Variants in PTPRD observed in about 807,000 individuals in gnomAD.
PTPRD encodes receptor-type tyrosine-protein phosphatase delta.
PTPRD carries 34 observed loss-of-function variants against 214.5 expected under a neutral mutation model. The ratio of observed to expected loss-of-function variants is 0.16; its 90% CI spans 0.12 to 0.21. The LOEUF (loss-of-function observed/expected upper bound fraction) is 0.21. Among genes scored for constraint, PTPRD ranks in the 10% least tolerant of loss-of-function variants. PTPRD has a pLI of 1.00. For missense variants in PTPRD, 2,545 were observed against 2,398.7 expected, an observed-to-expected ratio of 1.06 and a Z score of -1.27; for synonymous variants, 1,128 against 845.7, an observed-to-expected ratio of 1.33 and a Z score of -5.79.
intron 12 of PTPRD, among the ~76,000 whole-genome samples, chr9:8,722,193 T>C (rs1432394727): frequency 6.7e-6 from 1 of 148,656 alleles, no homozygotes; most frequent in African/African-American, 2.5e-5. Context: ...GAATGAAAAC[T>C]GAACCTCACA....
intron 2 of PTPRD, among the ~76,000 whole-genome samples, chr9:10,360,942 A>G (rs1374297973): frequency 1.3e-5 from 2 of 152,058 alleles, no homozygotes; most frequent in Admixed American, 6.5e-5. Flanking sequence ...CTCTACTAAA[A>G]ATACAAAAAA....
intron 2 of PTPRD, among the ~76,000 whole-genome samples, chr9:10,506,779 T>C (rs1370649225): frequency 6.6e-6 from 1 of 152,180 alleles, no homozygotes; most frequent in East Asian, 1.9e-4. Flanking sequence ...AATTATATTT[T>C]AGAATGTATT....
At chr9:8,397,021 T>C (rs527640922) in intron 36 of PTPRD, among the ~76,000 whole-genome samples, 28 of 152,190 alleles carry the variant, frequency 1.8e-4, no homozygotes, top group Non-Finnish European at 3.8e-4. Context: ...AAACTGAAAA[T>C]GCTGCAGAAA....
At chr9:8,999,529 C>A (rs968651622) in intron 11 of PTPRD, among the ~76,000 whole-genome samples, 5 of 152,170 alleles carry the variant, frequency 3.3e-5, no homozygotes, top group South Asian at 2.1e-4. Context: ...GTGAACAGAA[C>A]TTTTATATGC....
At chr9:8,764,792 A>AAATAAT in intron 11 of PTPRD, among the ~76,000 whole-genome samples, 1 of 127,164 alleles carries the variant, frequency 7.9e-6, no homozygotes, top group East Asian at 2.2e-4. Context: ...GTTTGTCTCA[A>AAATAAT]AATAATAATA....
At chr9:9,547,128 A>T (rs1343226893) in intron 8 of PTPRD, among the ~76,000 whole-genome samples, 1 of 152,020 alleles carries the variant, frequency 6.6e-6, no homozygotes, top group Non-Finnish European at 1.5e-5. Context: ...GCCATACCAA[A>T]CTTACACAAA....
At chr9:8,733,746 T>C in intron 12 of PTPRD, 34 bp downstream of exon 12, 1 of 1,548,490 alleles carries the variant, frequency 6.5e-7, no homozygotes, top group Non-Finnish European at 8.7e-7. Flanking sequence ...CTCATTATGG[T>C]CACAGCCCCC....
intron 8 of PTPRD, among the ~76,000 whole-genome samples, chr9:9,472,224 T>C (rs1460868293): frequency 3.2e-5 from 4 of 126,432 alleles, no homozygotes; most frequent in Admixed American, 9.6e-5. Context: ...TGAGACGGAG[T>C]CTTGCTCTGT....
chr9:10,028,442 G>T (rs1026599147), intron 4 of PTPRD, among the ~76,000 whole-genome samples: 1 of 152,112 alleles, frequency 6.6e-6, no homozygotes, highest in Admixed American at 6.5e-5. Flanking sequence ...ACAGTTTGGA[G>T]GGCTCAGAAG....
chr9:8,408,204 G>A (rs545589303), intron 35 of PTPRD, among the ~76,000 whole-genome samples: 112 of 152,132 alleles, frequency 7.4e-4, no homozygotes, highest in African/African-American at 2.4e-3. Flanking sequence ...CTGTATTTTC[G>A]GTCAGTCCAC....
chr9:10,114,526 T>C (rs1303564699), intron 3 of PTPRD, among the ~76,000 whole-genome samples: 1 of 152,136 alleles, frequency 6.6e-6, no homozygotes, highest in East Asian at 1.9e-4. Context: ...ATGTGAATTT[T>C]ATTCTCATAA....
intron 7 of PTPRD, among the ~76,000 whole-genome samples, chr9:9,607,355 T>A (rs143284277): frequency 3.1e-4 from 47 of 152,254 alleles, no homozygotes; most frequent in African/African-American, 1.1e-3. Context: ...ATGTTTTAGT[T>A]CATACTATGC....
chr9:9,588,687 C>T (rs2092373248), intron 7 of PTPRD, among the ~76,000 whole-genome samples: 1 of 151,856 alleles, frequency 6.6e-6, no homozygotes. Flanking sequence ...ATATTACTTC[C>T]ACTACCAGTC....
At chr9:10,338,712 T>A (rs189135931) in intron 3 of PTPRD, among the ~76,000 whole-genome samples, 23 of 151,872 alleles carry the variant, frequency 1.5e-4, no homozygotes, top group African/African-American at 4.3e-4. Context: ...ACTGTTAATA[T>A]GTATTGACTT....
At chr9:9,506,437 C>T (rs946577204) in intron 8 of PTPRD, among the ~76,000 whole-genome samples, 1 of 151,286 alleles carries the variant, frequency 6.6e-6, no homozygotes, top group Non-Finnish European at 1.5e-5. Flanking sequence ...GAGATGGGTC[C>T]AATCAATCTT....
At chr9:9,795,598 C>T (rs2153486223) in intron 5 of PTPRD, among the ~76,000 whole-genome samples, 1 of 152,186 alleles carries the variant, frequency 6.6e-6, no homozygotes, top group South Asian at 2.1e-4. Flanking sequence ...GATAATGAAG[C>T]ATATACAATT....
intron 2 of PTPRD, among the ~76,000 whole-genome samples, chr9:10,478,269 A>G (rs1039378566): frequency 1.3e-5 from 2 of 152,230 alleles, no homozygotes; most frequent in African/African-American, 4.8e-5. Context: ...GTAAGATGGC[A>G]AGAAGCCCAT....
At chr9:10,321,210 A>G (rs958976647) in intron 3 of PTPRD, among the ~76,000 whole-genome samples, 16 of 151,956 alleles carry the variant, frequency 1.1e-4, no homozygotes, top group African/African-American at 3.4e-4. Context: ...TCCAAAGGGG[A>G]AAAAAAACAA....
intron 7 of PTPRD, among the ~76,000 whole-genome samples, chr9:9,725,457 C>T (rs751011518): frequency 9.2e-5 from 14 of 151,968 alleles, no homozygotes; most frequent in Non-Finnish European, 1.5e-4. Flanking sequence ...CAGCTTATGT[C>T]GTTATCAAGA....
Sources: gnomAD v4.1 joint callset for allele counts (sites outside exome capture counted in the v4.1 genomes callset) on GRCh38, gnomAD v4.1.1 for gene constraint, MANE v1.5 for transcripts, NCBI Gene and HGNC (gene_info 2026-07-23, HGNC 2026-07-21) for gene names.